Variants in TNK2 observed in about 807,000 individuals in gnomAD.
The protein encoded by TNK2 is activated CDC42 kinase 1.
A neutral mutation model predicts 101.8 loss-of-function variants in TNK2; 83 were observed. The observed-to-expected ratio is 0.82, with a 90% CI of 0.68 to 0.98. TNK2 has a LOEUF of 0.98. Among genes scored for constraint, TNK2 ranks in the 50% least tolerant of loss-of-function variants. TNK2 has a pLI of 0.00. For missense variants in TNK2, 1,665 were observed against 1,483.2 expected, an observed-to-expected ratio of 1.12 and a Z score of -2.01; for synonymous variants, 804 against 633.0, an observed-to-expected ratio of 1.27 and a Z score of -4.06.
intron 9 of TNK2, among the ~76,000 whole-genome samples, chr3:195,877,171 G>A (rs1749872680): frequency 6.6e-6 from 1 of 152,114 alleles, no homozygotes; most frequent in Admixed American, 6.5e-5. Flanking sequence ...CAGACTGTTT[G>A]CCTCCTGTCC....
intron 9 of TNK2, chr3:195,876,328 G>C: frequency 4.5e-6 from 2 of 440,522 alleles, no homozygotes; most frequent in Admixed American, 4.9e-5. Flanking sequence ...CTCCGCACCA[G>C]GAAACAAATA....
intron 1 of TNK2, chr3:195,892,770 G>A: frequency 8.2e-7 from 1 of 1,226,498 alleles, no homozygotes; most frequent in Non-Finnish European, 1.0e-6. Flanking sequence ...CTACTCCCCG[G>A]CTTCCCCACC....
chr3:195,884,573 G>A, intron 4 of TNK2: 2 of 462,670 alleles, frequency 4.3e-6, no homozygotes. Context: ...AACCCGGAAA[G>A]TGGAGGTTGC....
chr3:195,867,589 C>A lies in TNK2; in HGVS notation c.2709G>T (p.Leu903=), dbSNP rs1741767355. 2 of 1,589,578 alleles carry A rather than the reference C, an allele frequency of 1.3e-6. No individual in the cohort carries two copies. Among genetic ancestry groups the A allele is most frequent in the East Asian group, 2.2e-5 (1 of 44,776 alleles). Residue 903 remains leucine (L), a synonymous_variant, in exon 13 of 16, where the codon CTG becomes CTT. Transcript: ENST00000672887. ...GTGGGGGCAGCAGCAGAGGCACAGG[C>A]AGGGGGGTAGGCTCCTCGGGGCTCT... ...EAQSPEEPTP[L]PVPLLLPPPS...
rs986849846 is a variant in TNK2 at position 195,899,692 on chromosome 3, T to C, written c.-19+8793A>G. 2.6e-5 allele frequency among the ~76,000 whole-genome samples: 4 copies of C among 152,344 alleles called. No homozygotes were observed. The South Asian group carries it at 8.3e-4, about 32-fold the overall frequency. On this transcript the variant is annotated intron_variant, in intron 1 of 15. Transcript: ENST00000672887. ...TATCCTTAAAGGGTCACTATTCCTG[T>C]AACTCTTTGTATCAGCACATAATTG... is the stretch of plus-strand genomic sequence containing the variant.
Position 195,867,822 on chromosome 3 carries a change from G to A in TNK2, c.2476C>T (p.Pro826Ser). Residue 826 changes from proline to serine, a missense_variant, in exon 13 of 16, where the codon CCT becomes TCT. Physicochemically the swap from Pro to Ser is moderately conservative, Grantham distance 74 (BLOSUM62 -1). This residue lies in a region of TNK2 where 1,136 missense variants were observed against 894.9 expected (regional missense o/e 1.27). Transcript: ENST00000672887. ...SPLPPRLSSS[P>S]GKTMPTTQSF... Reference sequence around the variant, plus strand: ...TGGGTGGTGGGCATGGTCTTCCCAGGTGAGCTTGAGAGCCGGGGTGGCAGC... The same window carrying A: ...TGGGTGGTGGGCATGGTCTTCCCAGATGAGCTTGAGAGCCGGGGTGGCAGC... The A allele has an allele frequency of 6.5e-7, 1 of 1,546,064 alleles. No individual in the cohort carries two copies. Among genetic ancestry groups the A allele is most frequent in the Non-Finnish European group, 8.7e-7 (1 of 1,150,724 alleles).
chr3:195,893,128 G>A (rs1200425779), intron 1 of TNK2, among the ~76,000 whole-genome samples: 1 of 152,020 alleles, frequency 6.6e-6, no homozygotes, highest in Non-Finnish European at 1.5e-5. Flanking sequence ...CACAGCCTGA[G>A]TGGGAGGCTT....
chr3:195,901,470 CA>C (rs1761201181), intron 1 of TNK2, among the ~76,000 whole-genome samples: 1 of 152,080 alleles, frequency 6.6e-6, no homozygotes. Flanking sequence ...CAGAGGGAAA[CA>C]GAAGAGTCCA....
intron 1 of TNK2, among the ~76,000 whole-genome samples, chr3:195,891,666 T>C (rs1160433419): frequency 5.4e-5 from 8 of 147,628 alleles, no homozygotes; most frequent in African/African-American, 1.6e-4. Flanking sequence ...ACCCCCCCCC[T>C]CCAGGGCTCA....
chr3:195,896,083 C>T, intron 1 of TNK2: 3 of 455,712 alleles, frequency 6.6e-6, no homozygotes, highest in Non-Finnish European at 1.3e-5. Flanking sequence ...GACACGAGGG[C>T]CCGGACTCCT....
intron 15 of TNK2, among the ~76,000 whole-genome samples, chr3:195,866,126 A>G (rs1195488727): frequency 6.6e-6 from 1 of 152,304 alleles, no homozygotes; most frequent in East Asian, 1.9e-4. Flanking sequence ...ATATATGTAT[A>G]TATTTTAAAT....
chr3:195,882,232 C>T lies in TNK2; in HGVS notation c.706G>A (p.Val236Met). Residue 236 changes from valine to methionine, a missense_variant, in exon 6 of 16, where the codon GTG becomes ATG. Physicochemically the swap from Val to Met is conservative, Grantham distance 21. This residue lies in a region of TNK2 where 490 missense variants were observed against 522.5 expected (regional missense o/e 0.94). Coordinates refer to ENST00000672887, the MANE Select transcript of TNK2 (RefSeq NM_001382273.1). The surrounding 1 kb of genome is among the most constrained non-coding windows in gnomAD (Gnocchi z 4.2). Reference protein sequence around the residue: ...LGTLSRYAVQVAEGMGYLESK... With the variant: ...LGTLSRYAVQMAEGMGYLESK... ...TCCAGGTAGCCCATGCCCTCAGCCA[C>T]CTGCACAGCGTAGCGGCTCAGAGTC... 6.2e-7 allele frequency: 1 copy of T among 1,613,814 alleles called. No homozygotes were observed. The highest frequency in any genetic ancestry group is 8.5e-7 in the Non-Finnish European group (1 of 1,180,022).
chr3:195,870,160 C>A lies in TNK2; in HGVS notation c.1497G>T (p.Val499=). The part of the protein sequence containing the change: ...NPMDPPDLLS[V]ELSTSRPPQH... ...GGGGGGGCCGGGAGGTGCTCAGTTCCACGCTCAGGAGGTCGGGGGGGTCCA... is the reference window on the plus strand; with the variant it reads ...GGGGGGGCCGGGAGGTGCTCAGTTCAACGCTCAGGAGGTCGGGGGGGTCCA... The change falls in exon 11 of 16, where the codon GTG becomes GTT. Residue 499 remains valine (V), a synonymous_variant. Coordinates refer to ENST00000672887, the MANE Select transcript of TNK2 (RefSeq NM_001382273.1). The A allele has an allele frequency of 2.0e-6, 3 of 1,512,170 alleles. No individual in the cohort carries two copies. The highest frequency in any genetic ancestry group is 2.7e-6 in the Non-Finnish European group (3 of 1,124,784). 93.7% of individuals were successfully genotyped at this position (1,512,170 alleles called of 1,614,324 possible). A position where few individuals can be genotyped will look rare whatever the true frequency, so the allele number is the denominator to read the frequency against.
intron 1 of TNK2, chr3:195,895,288 T>A: frequency 6.4e-7 from 1 of 1,571,010 alleles, no homozygotes; most frequent in Non-Finnish European, 8.6e-7. Flanking sequence ...GGTAAGCAGA[T>A]CTCTCCCCCA....
chr3:195,867,750 C>T lies in TNK2; in HGVS notation c.2548G>A (p.Ala850Thr). Residue 850 changes from alanine to threonine, a missense_variant, in exon 13 of 16, where the codon GCC (alanine) becomes ACC (threonine). Ala to Thr is a moderately conservative substitution (Grantham distance 58, BLOSUM62 0). Transcript: ENST00000672887. ...PKYATPQVIQ[A>T]PGPRAGPCIL... ...CAGGGACCAGCCCGCGGGCCAGGGG[C>T]CTGGATCACCTGGGGGGTGGCGTAC... The T allele has an allele frequency of 6.3e-7, 1 of 1,595,034 alleles. No homozygotes were observed. The highest frequency in any genetic ancestry group is 8.5e-7 in the Non-Finnish European group (1 of 1,171,776).
intron 1 of TNK2, among the ~76,000 whole-genome samples, chr3:195,901,793 C>G (rs1181737569): frequency 6.6e-6 from 1 of 152,180 alleles, no homozygotes; most frequent in African/African-American, 2.4e-5. Flanking sequence ...CAAGAGCACC[C>G]AGAGAGTAAA....
Position 195,868,615 on chromosome 3 carries a change from C to T in TNK2, c.1683G>A (p.Leu561=). 6.3e-7 allele frequency: 1 copy of T among 1,589,292 alleles called. No individual in the cohort carries two copies. The change falls in exon 13 of 16, where the codon CTG becomes CTA. Residue 561 remains leucine, a synonymous_variant. Transcript: ENST00000672887. ...GLRKPGLPRG[L]WLAKPSARVP... is the part of the protein sequence containing the mutation. ...CCCGCGCCGAGGGCTTCGCCAGCCA[C>T]AGCCCTCGGGGCAGGCCTGGCTTCC...
chr3:195,876,390 G>T lies in TNK2; in HGVS notation c.1256+1863C>A, dbSNP rs1028640590. ...CCACGGCGAAGAGAAGGCCAGGCTAGGAGGGAACTCCAAACACAGACCCAC... is the reference window on the plus strand; with the variant it reads ...CCACGGCGAAGAGAAGGCCAGGCTATGAGGGAACTCCAAACACAGACCCAC... On this transcript the variant is annotated intron_variant, in intron 9 of 15. Coordinates refer to ENST00000672887, the MANE Select transcript of TNK2 (RefSeq NM_001382273.1). The T allele has an allele frequency of 8.8e-6, 4 of 456,494 alleles. No homozygotes were observed. In the East Asian group the frequency reaches 2.8e-4, roughly 32 times the overall value. 28.3% of individuals were successfully genotyped at this position (456,494 alleles called of 1,614,324 possible). A position where few individuals can be genotyped will look rare whatever the true frequency, so the allele number is the denominator to read the frequency against.
chr3:195,887,147 C>T lies in TNK2; in HGVS notation c.164-100G>A, dbSNP rs930430377. 2.6e-5 allele frequency: 30 copies of T among 1,169,704 alleles called. No individual in the cohort carries two copies. In the Middle Eastern group the frequency reaches 7.8e-4, roughly 31 times the overall value. The allele number at this position is 1,169,704 out of a possible 1,614,324, so 72.5% of individuals were successfully genotyped here. On this transcript the variant is annotated intron_variant, in intron 2 of 15. Transcript: ENST00000672887. The stretch of plus-strand genomic sequence containing the variant: ...TGGGGGTGAGCCTGTCACTAGACAC[C>T]GCCCACCCGATGATAGCAATGAAAT...
Sources: allele counts gnomAD v4.1 joint callset (sites outside exome capture counted in the v4.1 genomes callset), GRCh38; gene constraint gnomAD v4.1.1; regional missense constraint gnomAD v4.1.1; non-coding constraint Gnocchi (gnomAD v3.1); transcripts MANE v1.5; gene names NCBI Gene and HGNC (gene_info 2026-07-23, HGNC 2026-07-21).